The following GOLM2 variants were observed in gnomAD, a reference collection of about 807,000 sequenced individuals.
The protein encoded by GOLM2 is golgi membrane protein 2, also known as protein GOLM2.
Under a neutral mutation model 55.9 loss-of-function variants are expected in GOLM2, and 26 were observed. That is an observed-to-expected ratio of 0.47 (90% CI 0.34 to 0.65). The LOEUF (loss-of-function observed/expected upper bound fraction) is 0.65. Ranked by LOEUF, GOLM2 falls within the 30% of genes least tolerant of loss-of-function variation. The pLI, the probability that GOLM2 is intolerant of heterozygous loss-of-function variation, is 0.01. For synonymous variants in GOLM2, 165 were observed against 194.6 expected (o/e 0.85, Z 1.27); for missense variants, 486 against 531.8 (o/e 0.91, Z 0.85).
intron 2 of GOLM2, among the ~76,000 whole-genome samples, chr15:44,323,471 G>C (rs1217633886): frequency 6.7e-6 from 1 of 149,338 alleles, no homozygotes; most frequent in African/African-American, 2.5e-5. Flanking sequence ...CTGGAAAATA[G>C]ATAAATATAT....
chr15:44,295,027 A>C (rs949764112), intron 1 of GOLM2, among the ~76,000 whole-genome samples: 3 of 151,772 alleles, frequency 2.0e-5, no homozygotes, highest in Admixed American at 1.3e-4. Flanking sequence ...TCACATTATT[A>C]TGCCATTCTG....
chr15:44,384,461 A>G (rs1182115039), intron 8 of GOLM2, among the ~76,000 whole-genome samples: 2 of 152,110 alleles, frequency 1.3e-5, no homozygotes, highest in Non-Finnish European at 2.9e-5. Context: ...AAGTACAAAA[A>G]TTAGGCCGGG....
At chr15:44,302,138 T>TA (rs1368908441) in intron 1 of GOLM2, among the ~76,000 whole-genome samples, 1 of 151,710 alleles carries the variant, frequency 6.6e-6, no homozygotes, top group Non-Finnish European at 1.5e-5. Flanking sequence ...CTCTCTTTTT[T>TA]ACATTTAATT....
At chr15:44,360,823 TGTAAAA>T (rs1376816859) in intron 6 of GOLM2, among the ~76,000 whole-genome samples, 3 of 152,056 alleles carry the variant, frequency 2.0e-5, no homozygotes, top group Non-Finnish European at 2.9e-5. Context: ...CCTCAGCAAA[TGTAAAA>T]GAACAGAAAT....
At chr15:44,361,072 A>G (rs2079234380) in intron 6 of GOLM2, among the ~76,000 whole-genome samples, 1 of 151,040 alleles carries the variant, frequency 6.6e-6, no homozygotes, top group Admixed American at 6.6e-5. Flanking sequence ...AGGGAAATTT[A>G]TAGCACTAAA....
At chr15:44,300,988 C>A (rs2078793697) in intron 1 of GOLM2, among the ~76,000 whole-genome samples, 2 of 152,214 alleles carry the variant, frequency 1.3e-5, no homozygotes, top group South Asian at 4.1e-4. Flanking sequence ...CCAAACTACA[C>A]TTTTTCCCTG....
chr15:44,382,691 A>AT (rs931874686), intron 8 of GOLM2, among the ~76,000 whole-genome samples: 2 of 151,828 alleles, frequency 1.3e-5, no homozygotes, highest in Admixed American at 1.3e-4. Flanking sequence ...ACCTGTATAT[A>AT]TTTTTTTAAC....
At chr15:44,298,374 T>C (rs2078772817) in intron 1 of GOLM2, among the ~76,000 whole-genome samples, 3 of 148,298 alleles carry the variant, frequency 2.0e-5, no homozygotes, top group Non-Finnish European at 3.0e-5. Context: ...AGTGATTCTC[T>C]AGCCTCAGCC....
Position 44,339,910 on chromosome 15 carries a change from C to T in GOLM2, c.802+1593C>T, listed in dbSNP as rs183045287. Among the ~76,000 whole-genome samples, 1,091 of 152,198 alleles carry T rather than the reference C, an allele frequency of 7.2e-3. 8 individuals carry two copies. Among genetic ancestry groups the T allele is most frequent in the Non-Finnish European group, 0.012 (808 of 68,000 alleles). On this transcript the variant is annotated intron_variant, in intron 6 of 9. Transcript: ENST00000299957. The stretch of plus-strand genomic sequence containing the variant: ...TCACAGCTCACTGCAGCCTCGATCT[C>T]CCGGGCATAAGCGATCTTCCCACCT...
At chr15:44,382,720 G>C (rs1041768515) in intron 8 of GOLM2, among the ~76,000 whole-genome samples, 2 of 151,820 alleles carry the variant, frequency 1.3e-5, no homozygotes, top group African/African-American at 4.8e-5. Context: ...GGGTAAAGAA[G>C]GTGGTTGGAA....
At position 44,402,989 on chromosome 15, in the gene GOLM2, A is replaced by G. The variant is rs1474852103; in HGVS notation, c.1175A>G (p.Asp392Gly). 1 of 1,614,098 alleles carries G rather than the reference A, an allele frequency of 6.2e-7. No individual in the cohort carries two copies. The highest frequency in any genetic ancestry group is 2.2e-5 in the East Asian group (1 of 44,862). The change falls in exon 9 of 10, where the codon GAC becomes GGC. Residue 392 changes from aspartate (D) to glycine (G), a missense_variant. Physicochemically the swap from Asp to Gly is moderately conservative, Grantham distance 94 (BLOSUM62 -1). Transcript: ENST00000299957. ...GGTAACGTAGGTGAGTATGAGGCAG[A>G]CAAGCAGGCTGAGCTGGCTTACAAT... ...DDGNVGEYEADKQAELAYNEE... is the reference protein window; with the variant it reads ...DDGNVGEYEAGKQAELAYNEE...
intron 6 of GOLM2, among the ~76,000 whole-genome samples, chr15:44,372,585 C>T (rs1429822146): frequency 6.6e-6 from 1 of 152,094 alleles, no homozygotes; most frequent in Non-Finnish European, 1.5e-5. Flanking sequence ...AGAGGTATGT[C>T]TTATCTCTAC....
chr15:44,361,504 T>C (rs1277757180), intron 6 of GOLM2, among the ~76,000 whole-genome samples: 1 of 152,048 alleles, frequency 6.6e-6, no homozygotes, highest in East Asian at 1.9e-4. Context: ...AGGAAGAAGT[T>C]GAATCTCTGA....
intron 1 of GOLM2, among the ~76,000 whole-genome samples, chr15:44,315,835 C>T (rs554067261): frequency 3.9e-5 from 6 of 152,152 alleles, no homozygotes; most frequent in Admixed American, 1.3e-4. Context: ...AAGGCAATGA[C>T]GGCGATAACA....
In GOLM2 at chr15:44,289,319, C is replaced by T. The variant is rs576965613; in HGVS notation, c.290C>T (p.Ala97Val). 6.2e-7 allele frequency: 1 copy of T among 1,613,396 alleles called. No individual in the cohort carries two copies. Among genetic ancestry groups the T allele is most frequent in the South Asian group, 1.1e-5 (1 of 91,020 alleles). The change falls in exon 1 of 10, where the codon GCC (alanine) becomes GTC (valine). Residue 97 changes from alanine (A) to valine (V), a missense_variant. By Grantham distance (64) the Ala-to-Val change is moderately conservative. Transcript: ENST00000299957. The surrounding 1 kb of genome is among the most constrained non-coding windows in gnomAD (Gnocchi z 4.8). The stretch of plus-strand genomic sequence containing the variant: ...GGCCGCCTCAGCAGCCGGCTGCAGG[C>T]CAGAGAGGGCCTCGGGAAGAGATGC... ...DYGRLSSRLQ[A>V]REGLGKRCED...
intron 1 of GOLM2, among the ~76,000 whole-genome samples, chr15:44,293,988 T>G (rs992852162): frequency 2.6e-5 from 4 of 152,232 alleles, no homozygotes; most frequent in Non-Finnish European, 4.4e-5. Context: ...ATATTTATTT[T>G]GTACTTTGGC....
chr15:44,371,844 T>A (rs1207930549), intron 6 of GOLM2, among the ~76,000 whole-genome samples: 1 of 152,174 alleles, frequency 6.6e-6, no homozygotes, highest in African/African-American at 2.4e-5. Flanking sequence ...ATTTTCTCAA[T>A]CTAAATCTTA....
chr15:44,397,478 C>CAAAAAAAAAAAAAAAAAAAAA (rs1007948393), intron 8 of GOLM2, among the ~76,000 whole-genome samples: 1 of 32,560 alleles, frequency 3.1e-5, no homozygotes, highest in Non-Finnish European at 5.6e-5. Flanking sequence ...GACTCCGTCT[C>CAAAAAAAAAAAAAAAAAAAAA]AAAAAAAAAA....
intron 6 of GOLM2, 44 bp from the exon 7 acceptor site, chr15:44,379,646 A>G (rs748537929): frequency 3.1e-5 from 24 of 765,924 alleles, no homozygotes; most frequent in Non-Finnish European, 4.4e-5. Flanking sequence ...TTTAGAAATC[A>G]TAGTATCAAT....
Sources: allele counts gnomAD v4.1 joint callset (sites outside exome capture counted in the v4.1 genomes callset), GRCh38; gene constraint gnomAD v4.1.1; non-coding constraint Gnocchi (gnomAD v3.1); transcripts MANE v1.5; gene names NCBI Gene and HGNC (gene_info 2026-07-23, HGNC 2026-07-21).